KIF26B: variants seen among roughly 807,000 people sequenced by gnomAD.
The protein encoded by KIF26B is kinesin-like protein KIF26B.
A neutral mutation model predicts 151.2 loss-of-function variants in KIF26B; 63 were observed. That is an observed-to-expected ratio of 0.42 (90% confidence interval 0.34 to 0.51). KIF26B has a LOEUF of 0.51. KIF26B is among the 20% of genes least tolerant of loss of function. KIF26B has a pLI of 0.07. For synonymous variants in KIF26B, 1,357 were observed against 1,262.1 expected (o/e 1.08, Z -1.59); for missense variants, 2,813 against 2,913.6 (o/e 0.97, Z 0.79).
intron 3 of KIF26B, among the ~76,000 whole-genome samples, chr1:245,390,741 CCA>C (rs1468578606): frequency 1.3e-5 from 2 of 151,440 alleles, no homozygotes; most frequent in Non-Finnish European, 2.9e-5. Flanking sequence ...TGAAAGTTTG[CCA>C]CTTAAAGGAA....
chr1:245,578,289 G>T (rs2043144715), intron 5 of KIF26B, among the ~76,000 whole-genome samples: 1 of 152,238 alleles, frequency 6.6e-6, no homozygotes, highest in Admixed American at 6.5e-5. Flanking sequence ...CCTTGGCAAA[G>T]ACTCCATGAG....
intron 4 of KIF26B, among the ~76,000 whole-genome samples, chr1:245,455,168 A>C (rs898571012): frequency 2.6e-5 from 4 of 152,158 alleles, no homozygotes; most frequent in Non-Finnish European, 5.9e-5. Context: ...ATTTTAATTG[A>C]ATTTAATGAT....
At chr1:245,160,427 C>T (rs1668512887) in intron 2 of KIF26B, among the ~76,000 whole-genome samples, 1 of 152,118 alleles carries the variant, frequency 6.6e-6, no homozygotes, top group Non-Finnish European at 1.5e-5. Flanking sequence ...CTGCTTTGTA[C>T]ACAGTCAGGG....
intron 4 of KIF26B, among the ~76,000 whole-genome samples, chr1:245,473,881 T>A (rs1340350580): frequency 6.6e-6 from 1 of 151,818 alleles, no homozygotes; most frequent in Non-Finnish European, 1.5e-5. Flanking sequence ...CTCTCTCGGT[T>A]TTTTTATTGA....
intron 10 of KIF26B, 25 bp from the exon 11 acceptor site, chr1:245,684,208 C>A: frequency 6.2e-7 from 1 of 1,601,184 alleles, no homozygotes; most frequent in Non-Finnish European, 8.5e-7. Context: ...GCCGCTAATG[C>A]AGCCTAATTC....
intron 4 of KIF26B, among the ~76,000 whole-genome samples, chr1:245,468,519 C>A (rs555785309): frequency 3.9e-5 from 6 of 152,266 alleles, no homozygotes; most frequent in Admixed American, 1.3e-4. Context: ...GGAACCATTG[C>A]ACAATGTCCC....
intron 2 of KIF26B, among the ~76,000 whole-genome samples, chr1:245,364,358 C>T (rs1480833623): frequency 1.3e-5 from 2 of 151,782 alleles, no homozygotes; most frequent in Non-Finnish European, 2.9e-5. Context: ...AATCCAGACT[C>T]CAAGGGCTAG....
intron 2 of KIF26B, among the ~76,000 whole-genome samples, chr1:245,365,285 C>A (rs1436166787): frequency 1.3e-5 from 2 of 152,220 alleles, no homozygotes; most frequent in Non-Finnish European, 2.9e-5. Flanking sequence ...CCATTGCTTC[C>A]CATCATTGTG....
chr1:245,505,085 C>T lies in KIF26B; in HGVS notation c.1167-35682C>T, dbSNP rs201797570. On this transcript the variant is annotated intron_variant, in intron 4 of 14. Coordinates refer to ENST00000407071, the MANE Select transcript of KIF26B (RefSeq NM_018012.4). ...TCCCAAGTAGTTGGGATTACAGGCA[C>T]GTGCCACCATGCCTGGCTAATTTTT... Among the ~76,000 whole-genome samples, 80 of 151,986 alleles carry T rather than the reference C, an allele frequency of 5.3e-4. No homozygotes were observed. The East Asian group carries it at 0.013, about 25-fold the overall frequency.
chr1:245,490,478 A>AT (rs1398546948), intron 4 of KIF26B, among the ~76,000 whole-genome samples: 1 of 151,714 alleles, frequency 6.6e-6, no homozygotes, highest in South Asian at 2.1e-4. Flanking sequence ...CGTCCAGCTA[A>AT]TTTTTTGTAT....
chr1:245,655,695 G>A (rs2044065498), intron 10 of KIF26B, among the ~76,000 whole-genome samples: 1 of 152,212 alleles, frequency 6.6e-6, no homozygotes, highest in Non-Finnish European at 1.5e-5. Context: ...GGCGTGATTT[G>A]AATATTTAAA....
intron 4 of KIF26B, among the ~76,000 whole-genome samples, chr1:245,469,691 C>A (rs1260432395): frequency 6.6e-6 from 1 of 152,118 alleles, no homozygotes. Flanking sequence ...AAAACTGCCA[C>A]ACAAACTGAT....
intron 4 of KIF26B, among the ~76,000 whole-genome samples, chr1:245,513,706 A>G (rs1660886869): frequency 6.6e-6 from 1 of 152,210 alleles, no homozygotes; most frequent in African/African-American, 2.4e-5. Context: ...TGGGAGCCCA[A>G]GAAATGTTGT....
intron 3 of KIF26B, among the ~76,000 whole-genome samples, chr1:245,413,290 T>C (rs1202985092): frequency 6.6e-6 from 1 of 152,224 alleles, no homozygotes; most frequent in African/African-American, 2.4e-5. Flanking sequence ...GGAAGAATCA[T>C]GTATCTTTCA....
chr1:245,258,925 G>A (rs1266125613), intron 2 of KIF26B, among the ~76,000 whole-genome samples: 3 of 152,150 alleles, frequency 2.0e-5, no homozygotes, highest in East Asian at 1.9e-4. Flanking sequence ...CATGCTGATC[G>A]GCCTCTGGCA....
chr1:245,636,444 CATG>C lies in KIF26B; in HGVS notation c.2099-9674_2099-9672del, dbSNP rs201318376. On this transcript the variant is annotated intron_variant, in intron 9 of 14. Coordinates refer to ENST00000407071, the MANE Select transcript of KIF26B (RefSeq NM_018012.4). ...TAGTTGTACATATTTTTGGAGTACACATGATATTTTGATGCATGTATACAATGT... is the reference window on the plus strand; with the variant it reads ...TAGTTGTACATATTTTTGGAGTACACATATTTTGATGCATGTATACAATGT... 7.1e-3 allele frequency among the ~76,000 whole-genome samples: 1,073 copies of C among 151,734 alleles called. 6 individuals are homozygous for C. Among genetic ancestry groups the C allele is most frequent in the Non-Finnish European group, 0.012 (846 of 67,876 alleles).
intron 3 of KIF26B, among the ~76,000 whole-genome samples, chr1:245,405,372 T>C (rs1034876923): frequency 2.0e-5 from 3 of 152,216 alleles, no homozygotes; most frequent in African/African-American, 7.2e-5. Flanking sequence ...CTTTAGAGCA[T>C]TGGTTTTGAT....
intron 5 of KIF26B, among the ~76,000 whole-genome samples, chr1:245,580,541 G>T (rs771421093): frequency 6.6e-6 from 1 of 152,224 alleles, no homozygotes; most frequent in African/African-American, 2.4e-5. Context: ...ATGTTGGGGG[G>T]ACAGAGGAAA....
intron 3 of KIF26B, among the ~76,000 whole-genome samples, chr1:245,381,614 T>C (rs1443554906): frequency 6.6e-6 from 1 of 152,154 alleles, no homozygotes; most frequent in African/African-American, 2.4e-5. Context: ...CCCCTGACTC[T>C]TCCATGGCAT....
Sources: allele counts gnomAD v4.1 joint callset (sites outside exome capture counted in the v4.1 genomes callset), GRCh38; gene constraint gnomAD v4.1.1; transcripts MANE v1.5; gene names NCBI Gene and HGNC (gene_info 2026-07-23, HGNC 2026-07-21).